The following PDHX variants were observed in gnomAD, a reference collection of about 807,000 sequenced individuals.
The protein encoded by PDHX is pyruvate dehydrogenase complex component X, also known as pyruvate dehydrogenase protein X component, mitochondrial.
Under a neutral mutation model 55.3 loss-of-function variants are expected in PDHX, and 33 were observed. That is an observed-to-expected ratio of 0.60 (90% CI 0.45 to 0.80). The LOEUF is 0.80. Among genes scored for constraint, PDHX ranks in the 30% least tolerant of loss-of-function variants. The pLI is 0.00. For synonymous variants in PDHX, 226 were observed against 219.4 expected, an observed-to-expected ratio of 1.03 and a Z score of -0.27; for missense variants, 622 against 619.9, an observed-to-expected ratio of 1.00 and a Z score of -0.04.
chr11:34,996,083 A>T lies in PDHX; in HGVS notation c.*911A>T, dbSNP rs1855852333. ...AATATAAACATTTCTATTGTATTTT[A>T]AATGTTAAAACACAAAAGTTCAATA... On this transcript the variant is annotated 3_prime_UTR_variant, in exon 11 of 11. Coordinates refer to ENST00000227868, the MANE Select transcript of PDHX (RefSeq NM_003477.3). The T allele has an allele frequency of 6.6e-6, 1 of 152,194 alleles. No homozygotes were observed. Among genetic ancestry groups the T allele is most frequent in the South Asian group, 2.1e-4 (1 of 4,836 alleles). 9.4% of individuals were successfully genotyped at this position (152,194 alleles called of 1,614,324 possible). A position where few individuals can be genotyped will look rare whatever the true frequency, so the allele number is the denominator to read the frequency against.
Position 34,957,365 on chromosome 11 carries a change from A to G in PDHX, c.343-19A>G. ...CATGGGGTTTTACTTCTCTACAGTT[A>G]CTTCTTTTTTAAATATAGGTTGAAG... On this transcript the variant is annotated intron_variant, in intron 3 of 10. Transcript: ENST00000227868. 1 of 1,497,226 alleles carries G rather than the reference A, an allele frequency of 6.7e-7. No individual in the cohort carries two copies. Among genetic ancestry groups the G allele is most frequent in the South Asian group, 1.1e-5 (1 of 88,580 alleles). 92.7% of individuals were successfully genotyped at this position (1,497,226 alleles called of 1,614,324 possible).
chr11:34,918,498 G>A (rs1039322958), intron 1 of PDHX, among the ~76,000 whole-genome samples: 4 of 151,368 alleles, frequency 2.6e-5, no homozygotes, highest in African/African-American at 9.7e-5. Flanking sequence ...ACTCAGTTAG[G>A]CAAGCAATCC....
Position 34,947,530 on chromosome 11 carries a change from C to G in PDHX, c.266C>G (p.Ala89Gly), listed in dbSNP as rs1854651287. 1 of 1,613,048 alleles carries G rather than the reference C, an allele frequency of 6.2e-7. No individual in the cohort carries two copies. Among genetic ancestry groups the G allele is most frequent in the Non-Finnish European group, 8.5e-7 (1 of 1,179,170 alleles). Residue 89 changes from alanine (A) to glycine (G), a missense_variant, in exon 3 of 11, where the codon GCA (alanine) becomes GGA (glycine). Transcript: ENST00000227868. Reference sequence around the variant, plus strand: ...GGTGAAGCGGTGAGTGCTGGAGATGCATTATGTGAAATTGAGACTGACAAA... The same window carrying G: ...GGTGAAGCGGTGAGTGCTGGAGATGGATTATGTGAAATTGAGACTGACAAA... Reference protein sequence around the residue: ...KEGEAVSAGDALCEIETDKAV... With the variant: ...KEGEAVSAGDGLCEIETDKAV...
At chr11:34,966,602 T>A in intron 5 of PDHX, 38 bp from the exon 6 acceptor site, 1 of 1,597,186 alleles carries the variant, frequency 6.3e-7, no homozygotes, top group Non-Finnish European at 8.6e-7. Context: ...ATATTCCTTA[T>A]TGCTAATTAT....
chr11:34,917,544 G>T (rs999991804), intron 1 of PDHX, among the ~76,000 whole-genome samples: 1 of 152,174 alleles, frequency 6.6e-6, no homozygotes, highest in African/African-American at 2.4e-5. Context: ...AGGTTGGAGG[G>T]AGGCGGGGAT....
chr11:34,960,628 C>G (rs530089487), intron 5 of PDHX, 110 bp downstream of exon 5: 1 of 660,548 alleles, frequency 1.5e-6, no homozygotes, highest in South Asian at 1.8e-5. Context: ...AGGAGGTACA[C>G]TGTTCTTCTT....
intron 2 of PDHX, among the ~76,000 whole-genome samples, chr11:34,946,607 C>A (rs1373259372): frequency 6.6e-6 from 1 of 152,144 alleles, no homozygotes; most frequent in Non-Finnish European, 1.5e-5. Flanking sequence ...CAGATACAGC[C>A]CCGGAGCCAG....
intron 3 of PDHX, among the ~76,000 whole-genome samples, chr11:34,955,699 A>G (rs1218117024): frequency 6.6e-6 from 1 of 152,194 alleles, no homozygotes; most frequent in Non-Finnish European, 1.5e-5. Context: ...TATATATGGA[A>G]TCATTTATAT....
At position 34,995,065 on chromosome 11, in the gene PDHX, A is replaced by C; in HGVS notation, c.1399A>C (p.Ile467Leu). The C allele has an allele frequency of 6.2e-7, 1 of 1,614,084 alleles. No individual in the cohort carries two copies. The highest frequency in any genetic ancestry group is 2.2e-5 in the East Asian group (1 of 44,880). Reference protein sequence around the residue: ...GNAKLQQRQLITVTMSSDSRV... With the variant: ...GNAKLQQRQLLTVTMSSDSRV... ...TGCCAAACTGCAGCAGCGCCAGCTC[A>C]TAACAGTCACAATGTCAAGTGACAG... is the stretch of plus-strand genomic sequence containing the variant. Residue 467 changes from isoleucine to leucine, a missense_variant, in exon 11 of 11, where the codon ATA (isoleucine) becomes CTA (leucine). Transcript: ENST00000227868.
intron 3 of PDHX, among the ~76,000 whole-genome samples, chr11:34,952,320 A>C (rs1364402160): frequency 6.6e-6 from 1 of 151,084 alleles, no homozygotes; most frequent in Non-Finnish European, 1.5e-5. Flanking sequence ...AAAAGAGGGA[A>C]TCCTCCCTAA....
upstream of PDHX, chr11:34,916,520 TGGGG>T (rs1313440874): frequency 9.3e-6 from 13 of 1,401,702 alleles, no homozygotes; most frequent in Non-Finnish European, 1.1e-5. Context: ...GGGGCTGGGT[TGGGG>T]GGCGGGGGTT....
At position 34,916,915 on chromosome 11, in the gene PDHX, C is replaced by G. The variant is rs989541827; in HGVS notation, c.160+100C>G. ...GGGCCTGCTTTTGGGTGTGAAGGTG[C>G]GCGGGCTCCTTATTCCCTTTCCTCT... On this transcript the variant is annotated intron_variant, in intron 1 of 10. Transcript: ENST00000227868. 3.4e-6 allele frequency: 4 copies of G among 1,161,288 alleles called. No individual in the cohort carries two copies. In the African/African-American group the frequency reaches 4.6e-5, roughly 13 times the overall value. The allele number at this position is 1,161,288 out of a possible 1,614,324, so 71.9% of individuals were successfully genotyped here. A position where few individuals can be genotyped will look rare whatever the true frequency, so the allele number is the denominator to read the frequency against.
chr11:34,986,260 G>A (rs1425493789), intron 9 of PDHX, among the ~76,000 whole-genome samples: 1 of 149,398 alleles, frequency 6.7e-6, no homozygotes, highest in Non-Finnish European at 1.5e-5. Flanking sequence ...AGCTGAGATT[G>A]TGCCATTTGC....
intron 7 of PDHX, among the ~76,000 whole-genome samples, chr11:34,972,628 G>T (rs4417241): frequency 0.084 from 12,736 of 151,908 alleles, 581 homozygotes; most frequent in African/African-American, 0.12. Flanking sequence ...CAAACTCCTG[G>T]CCTCAAGTGA....
rs114584936 is a variant in PDHX, at chr11:34,928,215, C to T, written c.161-3189C>T. Among the ~76,000 whole-genome samples the T allele has an allele frequency of 6.8e-3, 1,028 of 152,054 alleles. 10 individuals carry two copies. The highest frequency in any genetic ancestry group is 0.023 in the African/African-American group (961 of 41,480). On this transcript the variant is annotated intron_variant, in intron 1 of 10. Transcript: ENST00000227868. Reference sequence around the variant, plus strand: ...TTAAGAGAATTAAGTTAGTATTTGTCGTAAATTGGAATCTGGCTATAGAAG... The same window carrying T: ...TTAAGAGAATTAAGTTAGTATTTGTTGTAAATTGGAATCTGGCTATAGAAG...
chr11:34,934,530 C>T (rs1310760872), intron 2 of PDHX, among the ~76,000 whole-genome samples: 8 of 148,388 alleles, frequency 5.4e-5, no homozygotes, highest in Admixed American at 6.7e-5. Context: ...AAAACACATG[C>T]GGACATTTGA....
intron 5 of PDHX, among the ~76,000 whole-genome samples, chr11:34,962,384 CAAGT>C (rs1469743352): frequency 1.3e-5 from 2 of 152,040 alleles, no homozygotes; most frequent in African/African-American, 4.8e-5. Flanking sequence ...AGAGTAGCAA[CAAGT>C]AAGGGAATGA....
chr11:34,928,549 A>C (rs149879374), intron 1 of PDHX, among the ~76,000 whole-genome samples: 5 of 150,978 alleles, frequency 3.3e-5, no homozygotes, highest in Non-Finnish European at 5.9e-5. Context: ...CTGACAGTAC[A>C]TTCTTTAAGC....
intron 3 of PDHX, among the ~76,000 whole-genome samples, chr11:34,956,584 A>G (rs1854910428): frequency 6.6e-6 from 1 of 152,292 alleles, no homozygotes; most frequent in South Asian, 2.1e-4. Flanking sequence ...TTAGTAAGTA[A>G]ATTAGAATTA....
Sources: allele counts gnomAD v4.1 joint callset (sites outside exome capture counted in the v4.1 genomes callset), GRCh38; gene constraint gnomAD v4.1.1; transcripts MANE v1.5; gene names NCBI Gene and HGNC (gene_info 2026-07-23, HGNC 2026-07-21).